The following SIPA1L1 variants were observed in gnomAD, a reference collection of about 807,000 sequenced individuals.
SIPA1L1 encodes the protein signal-induced proliferation-associated 1-like protein 1.
Under a neutral mutation model 162.7 loss-of-function variants are expected in SIPA1L1, and 26 were observed. The observed-to-expected ratio is 0.16, with a 90% confidence interval of 0.12 to 0.22. The LOEUF is 0.22. SIPA1L1 is among the 10% of genes least tolerant of loss of function. The pLI is 1.00. For missense variants in SIPA1L1, 1,874 were observed against 2,241.0 expected (o/e 0.84, Z 3.31); for synonymous variants, 829 against 837.4 (o/e 0.99, Z 0.17).
At position 71,608,662 on chromosome 14, in the gene SIPA1L1, C is replaced by T. The variant is rs548602866; in HGVS notation, c.1499-10095C>T. On this transcript the variant is annotated intron_variant, in intron 5 of 23. Transcript: ENST00000381232. ...CTGTAGTCCCAGCACTTTGGGAGGC[C>T]GAGGCAGGCAGATCACGAGGTCAGG... is the stretch of plus-strand genomic sequence containing the variant. 3.3e-5 allele frequency among the ~76,000 whole-genome samples: 5 copies of T among 152,122 alleles called. No homozygotes were observed. The South Asian group carries it at 6.2e-4, about 19-fold the overall frequency.
rs541280000 is a variant in SIPA1L1, at chr14:71,562,443, T to C, written c.-302-25128T>C. ...TTACACTTTTTTCATGTTTTAGTTA[T>C]ATGGATTATTAACAGATTTACTAAT... On this transcript the variant is annotated intron_variant, in intron 4 of 23. Coordinates refer to ENST00000381232, the MANE Select transcript of SIPA1L1 (RefSeq NM_001386936.1). 9.8e-5 allele frequency among the ~76,000 whole-genome samples: 15 copies of C among 152,322 alleles called. No homozygotes were observed. The East Asian group carries it at 2.7e-3, about 27-fold the overall frequency.
intron 2 of SIPA1L1, among the ~76,000 whole-genome samples, chr14:71,489,337 G>A (rs938702830): frequency 2.8e-4 from 43 of 152,270 alleles, no homozygotes; most frequent in African/African-American, 1.0e-3. Flanking sequence ...CCCAGTCTGT[G>A]TGCTATATGT....
At chr14:71,462,445 C>T (rs551986039) in intron 2 of SIPA1L1, among the ~76,000 whole-genome samples, 97 of 152,204 alleles carry the variant, frequency 6.4e-4, no homozygotes, top group Non-Finnish European at 1.2e-3. Flanking sequence ...TTTCGGGTCA[C>T]TTGATAAATG....
intron 20 of SIPA1L1, among the ~76,000 whole-genome samples, chr14:71,731,580 C>G (rs967119821): frequency 2.0e-5 from 3 of 152,186 alleles, no homozygotes; most frequent in African/African-American, 7.2e-5. Context: ...TCTCTTATTT[C>G]TCTGTACTTT....
rs760516726 is a variant in SIPA1L1, at chr14:71,709,330, C to A, written c.3874C>A (p.Leu1292Ile). Residue 1292 changes from leucine to isoleucine, a missense_variant, in exon 17 of 24, where the codon CTC becomes ATC. Transcript: ENST00000381232. ...CGATGGGGACCGCACAGAATCCGAA[C>A]TCAACAGCTATAACTATCTGCAAGG... ...WYDGDRTESELNSYNYLQGTS... is the reference protein window; with the variant it reads ...WYDGDRTESEINSYNYLQGTS... The A allele has an allele frequency of 1.2e-6, 2 of 1,614,238 alleles. No homozygotes were observed. The highest frequency in any genetic ancestry group is 1.7e-6 in the Non-Finnish European group (2 of 1,180,048).
intron 5 of SIPA1L1, among the ~76,000 whole-genome samples, chr14:71,611,889 A>G (rs1282720942): frequency 6.6e-6 from 1 of 152,212 alleles, no homozygotes; most frequent in Non-Finnish European, 1.5e-5. Flanking sequence ...TGTCTAATGA[A>G]AATATTAAAC....
chr14:71,570,997 G>T (rs970903164), intron 4 of SIPA1L1, among the ~76,000 whole-genome samples: 3 of 152,218 alleles, frequency 2.0e-5, no homozygotes, highest in African/African-American at 7.2e-5. Context: ...GTTTCACCCT[G>T]TTGGCCAGGC....
chr14:71,535,533 A>G (rs565089559), intron 4 of SIPA1L1, among the ~76,000 whole-genome samples: 1 of 152,284 alleles, frequency 6.6e-6, no homozygotes, highest in South Asian at 2.1e-4. Flanking sequence ...AAGATAGGAA[A>G]GTCAAGTCAC....
Position 71,672,521 on chromosome 14 carries a change from G to A in SIPA1L1, c.3003G>A (p.Ala1001=), listed in dbSNP as rs142798928. 2.1e-5 allele frequency: 34 copies of A among 1,613,600 alleles called. No individual in the cohort carries two copies. The highest frequency in any genetic ancestry group is 8.9e-5 in the East Asian group (4 of 44,884). Residue 1001 remains alanine, a synonymous_variant, in exon 12 of 24, where the codon GCG becomes GCA. Coordinates refer to ENST00000381232, the MANE Select transcript of SIPA1L1 (RefSeq NM_001386936.1). ...GCCTGGTGGAGATCTGCAAGGTGGC[G>A]GTAGCCACTCTGAGCCATGAGCAGA... ...GSRLVEICKV[A]VATLSHEQMI...
chr14:71,575,058 C>T (rs910193403), intron 4 of SIPA1L1: 1 of 152,102 alleles, frequency 6.6e-6, no homozygotes, highest in Non-Finnish European at 1.5e-5. Context: ...TTTTCGGAAC[C>T]ATGATATAAA....
intron 4 of SIPA1L1, among the ~76,000 whole-genome samples, chr14:71,578,069 C>G (rs892743388): frequency 2.0e-5 from 3 of 152,098 alleles, no homozygotes; most frequent in African/African-American, 7.2e-5. Flanking sequence ...CGCTATCATG[C>G]CTGGCTAATT....
intron 2 of SIPA1L1, among the ~76,000 whole-genome samples, chr14:71,495,886 C>CAAAAAAAAAAAAAAAAAAAAAA (rs61183823): frequency 2.6e-5 from 1 of 38,006 alleles, no homozygotes; most frequent in Non-Finnish European, 5.3e-5. Context: ...TCCATCTCTA[C>CAAAAAAAAAAAAAAAAAAAAAA]AAAAAAAAAA....
At chr14:71,375,350 C>A (rs919066103) in intron 2 of SIPA1L1, among the ~76,000 whole-genome samples, 1 of 152,158 alleles carries the variant, frequency 6.6e-6, no homozygotes, top group Non-Finnish European at 1.5e-5. Context: ...CAATATCCAT[C>A]TGCCCATGAG....
At chr14:71,392,621 G>A (rs375884765) in intron 2 of SIPA1L1, among the ~76,000 whole-genome samples, 7 of 151,958 alleles carry the variant, frequency 4.6e-5, no homozygotes, top group East Asian at 3.9e-4. Flanking sequence ...CCCGCCTTCC[G>A]GCTTCACACC....
intron 14 of SIPA1L1, among the ~76,000 whole-genome samples, chr14:71,701,901 T>C (rs2082123860): frequency 1.3e-5 from 2 of 152,204 alleles, no homozygotes; most frequent in Non-Finnish European, 2.9e-5. Flanking sequence ...AAGCAAGTAC[T>C]CAGAAAATAC....
In SIPA1L1 at chr14:71,724,795, ATCTTGAAAGCCCAAC is replaced by A; in HGVS notation, c.4577_4591del (p.Leu1526_Thr1530del). On this transcript the variant is annotated inframe_deletion, in exon 19 of 24. Coordinates refer to ENST00000381232, the MANE Select transcript of SIPA1L1 (RefSeq NM_001386936.1). ...GAAGAAGATCTAAAGAAACTAATTG[ATCTTGAAAGCCCAAC>A]TCCTGAATCACAGAAGAGTTTTAAG... 1.9e-6 allele frequency: 3 copies of A among 1,614,216 alleles called. No homozygotes were observed. Among genetic ancestry groups the A allele is most frequent in the Non-Finnish European group, 2.5e-6 (3 of 1,180,038 alleles).
At chr14:71,435,584 A>T (rs900668457) in intron 2 of SIPA1L1, among the ~76,000 whole-genome samples, 1 of 152,208 alleles carries the variant, frequency 6.6e-6, no homozygotes, top group African/African-American at 2.4e-5. Flanking sequence ...ATTGATGGAC[A>T]TTTGGGTGGG....
At chr14:71,414,474 G>T (rs1323842528) in intron 2 of SIPA1L1, among the ~76,000 whole-genome samples, 1 of 152,200 alleles carries the variant, frequency 6.6e-6, no homozygotes, top group African/African-American at 2.4e-5. Context: ...CTGCCCACTG[G>T]CTTTTCCCTT....
intron 4 of SIPA1L1, among the ~76,000 whole-genome samples, chr14:71,583,285 T>C (rs576130965): frequency 1.8e-4 from 28 of 152,312 alleles, no homozygotes; most frequent in African/African-American, 6.0e-4. Flanking sequence ...GGCACTGTGC[T>C]GGGCCTGGAA....
Sources: allele counts gnomAD v4.1 joint callset (sites outside exome capture counted in the v4.1 genomes callset), GRCh38; gene constraint gnomAD v4.1.1; transcripts MANE v1.5; gene names NCBI Gene and HGNC (gene_info 2026-07-23, HGNC 2026-07-21).